ZNF141: variants seen among roughly 807,000 people sequenced by gnomAD.
ZNF141 encodes zinc finger protein 141.
In ZNF141, 7 loss-of-function variants were observed where a neutral mutation model predicts 11.3. The ratio of observed to expected loss-of-function variants is 0.62; its 90% CI spans 0.35 to 1.16. ZNF141 has a LOEUF of 1.16. Among genes scored for constraint, ZNF141 ranks in the 50% most tolerant of loss-of-function variants. The probability of loss-of-function intolerance (pLI) is 0.02; values close to 1 mark genes in which losing one functional copy is unlikely to be tolerated. For synonymous variants in ZNF141, 183 were observed against 190.7 expected, an observed-to-expected ratio of 0.96 and a Z score of 0.33; for missense variants, 535 against 554.0, an observed-to-expected ratio of 0.97 and a Z score of 0.34.
Position 372,853 on chromosome 4 carries a change from C to T in ZNF141, c.416C>T (p.Thr139Ile). 1 of 1,612,306 alleles carries T rather than the reference C, an allele frequency of 6.2e-7. No homozygotes were observed. The highest frequency in any genetic ancestry group is 8.5e-7 in the Non-Finnish European group (1 of 1,178,866). Residue 139 changes from threonine to isoleucine, a missense_variant, in exon 4 of 4, where the codon ACT becomes ATT. Transcript: ENST00000240499. ...AATGAATTTAATGAATGCTTGTCAA[C>T]TACCCAGAGCAAAATACTTCAGTGT... ...GYNEFNECLS[T>I]TQSKILQCKA...
rs34721227 is a variant in ZNF141, at chr4:381,400, CTTTTTTTTTTT to C, written c.*7554_*7564del. Among the ~76,000 whole-genome samples the C allele has an allele frequency of 4.7e-4, 36 of 76,946 alleles. No individual in the cohort carries two copies. The highest frequency in any genetic ancestry group is 7.1e-4 in the Non-Finnish European group (31 of 43,670). The allele number at this position is 76,946 out of a possible 152,430, so 50.5% of individuals were successfully genotyped here. A position where few individuals can be genotyped will look rare whatever the true frequency, so the allele number is the denominator to read the frequency against. On this transcript the variant is annotated 3_prime_UTR_variant, in exon 4 of 4. Transcript: ENST00000240499. ...CTATTTAATACAGACTTCAAATGTG[CTTTTTTTTTTT>C]TTTTTTTTTTTTTTTGAGACGTTGT...
At position 379,575 on chromosome 4, in the gene ZNF141, A is replaced by G. The variant is rs782204629; in HGVS notation, c.*5713A>G. On this transcript the variant is annotated 3_prime_UTR_variant, in exon 4 of 4. Coordinates refer to ENST00000240499, the MANE Select transcript of ZNF141 (RefSeq NM_003441.4). ...TTGTTAGTAGAGATGCGGTTTGACT[A>G]TGTTGGCCAGGCTGGTCTCAAACTC... Among the ~76,000 whole-genome samples the G allele has an allele frequency of 8.6e-5, 13 of 150,552 alleles. No individual in the cohort carries two copies. Among genetic ancestry groups the G allele is most frequent in the Admixed American group, 2.0e-4 (3 of 15,156 alleles).
In ZNF141 at chr4:379,461, G is replaced by A. The variant is rs938998408; in HGVS notation, c.*5599G>A. The stretch of plus-strand genomic sequence containing the variant: ...GCGATCTCAGCTCACTGCAACCTCC[G>A]CCTCTCAGGTTCAGGCGATTCTCCT... On this transcript the variant is annotated 3_prime_UTR_variant, in exon 4 of 4. Coordinates refer to ENST00000240499, the MANE Select transcript of ZNF141 (RefSeq NM_003441.4). Among the ~76,000 whole-genome samples the A allele has an allele frequency of 5.9e-5, 9 of 152,146 alleles. No homozygotes were observed. The highest frequency in any genetic ancestry group is 2.2e-4 in the African/African-American group (9 of 41,516).
chr4:365,829 G>A (rs1367168355), intron 3 of ZNF141, among the ~76,000 whole-genome samples: 1 of 152,088 alleles, frequency 6.6e-6, no homozygotes, highest in Non-Finnish European at 1.5e-5. Context: ...AGAGCTAGGG[G>A]CCTAGTTTCA....
chr4:367,125 A>G (rs1322022999), intron 3 of ZNF141, among the ~76,000 whole-genome samples: 1 of 152,202 alleles, frequency 6.6e-6, no homozygotes, highest in African/African-American at 2.4e-5. Flanking sequence ...AAGAGCAGAA[A>G]TCTTCTTTTT....
At chr4:351,005 TC>T (rs1205240780) in intron 3 of ZNF141, among the ~76,000 whole-genome samples, 4 of 151,734 alleles carry the variant, frequency 2.6e-5, no homozygotes, top group African/African-American at 9.7e-5. Context: ...CACCTCAGCC[TC>T]CCAAAGTGCT....
chr4:352,032 T>C (rs1042165396), intron 3 of ZNF141, among the ~76,000 whole-genome samples: 3 of 152,150 alleles, frequency 2.0e-5, no homozygotes, highest in Non-Finnish European at 4.4e-5. Flanking sequence ...AGACCTGAAG[T>C]CATCTCCAAA....
intron 3 of ZNF141, among the ~76,000 whole-genome samples, chr4:356,361 C>T (rs1416337485): frequency 6.6e-6 from 1 of 151,828 alleles, no homozygotes; most frequent in Non-Finnish European, 1.5e-5. Context: ...TGTTCTGTCA[C>T]CCAGGCTGGA....
chr4:346,160 TAATTTTACCAGA>T (rs1721310535), intron 3 of ZNF141, among the ~76,000 whole-genome samples: 2 of 152,216 alleles, frequency 1.3e-5, no homozygotes, highest in African/African-American at 4.8e-5. Context: ...TTAAGAAAAC[TAATTTTACCAGA>T]GTTTAATTGA....
Position 375,726 on chromosome 4 carries a change from T to C in ZNF141, c.*1864T>C, listed in dbSNP as rs1191697264. Among the ~76,000 whole-genome samples, 1 of 152,130 alleles carries C rather than the reference T, an allele frequency of 6.6e-6. No homozygotes were observed. Among genetic ancestry groups the C allele is most frequent in the Non-Finnish European group, 1.5e-5 (1 of 67,942 alleles). On this transcript the variant is annotated 3_prime_UTR_variant, in exon 4 of 4. Transcript: ENST00000240499. ...TTTTTGAAAAGCATATAATAGTTAA[T>C]TCAACTCAAATTATTTCATACTGTT...
Position 376,167 on chromosome 4 carries a change from C to G in ZNF141, c.*2305C>G, listed in dbSNP as rs1216060191. On this transcript the variant is annotated 3_prime_UTR_variant, in exon 4 of 4. Transcript: ENST00000240499. ...TTATGCCACCAACTTAAACCTATCC[C>G]ACCTTACTCAATGGTGTAGGTAAAA... Among the ~76,000 whole-genome samples the G allele has an allele frequency of 1.3e-5, 2 of 151,998 alleles. No homozygotes were observed. Among genetic ancestry groups the G allele is most frequent in the African/African-American group, 4.8e-5 (2 of 41,410 alleles).
chr4:366,389 A>G (rs1270426316), intron 3 of ZNF141, among the ~76,000 whole-genome samples: 1 of 152,192 alleles, frequency 6.6e-6, no homozygotes, highest in East Asian at 1.9e-4. Flanking sequence ...GTGCACCACA[A>G]CCTCTGCCTC....
intron 3 of ZNF141, among the ~76,000 whole-genome samples, chr4:355,186 T>A (rs1284380810): frequency 7.2e-5 from 11 of 151,896 alleles, no homozygotes; most frequent in South Asian, 4.2e-4. Flanking sequence ...TATTTTATTT[T>A]ATTTATTTAT....
chr4:373,530 C>T lies in ZNF141; in HGVS notation c.1093C>T (p.Arg365Trp), dbSNP rs782077517. The T allele has an allele frequency of 9.9e-6, 16 of 1,609,218 alleles. No individual in the cohort carries two copies. The highest frequency in any genetic ancestry group is 2.2e-5 in the South Asian group (2 of 90,814). Residue 365 changes from arginine (R) to tryptophan (W), a missense_variant, in exon 4 of 4, where the codon CGG becomes TGG. Arg to Trp is a moderately radical substitution (Grantham distance 101). Transcript: ENST00000240499. The stretch of plus-strand genomic sequence containing the variant: ...ACATAAGAAAGTTCATACTGGAGAG[C>T]GGCCCTACAAATGTGATGAATGTGG... The part of the protein sequence containing the change: ...NEHKKVHTGE[R>W]PYKCDECGKA...
At chr4:357,795 C>T (rs1003234503) in intron 3 of ZNF141, among the ~76,000 whole-genome samples, 3 of 151,238 alleles carry the variant, frequency 2.0e-5, no homozygotes, top group Admixed American at 6.6e-5. Flanking sequence ...CAGCTTGCGC[C>T]TCCCGGATTC....
chr4:361,307 A>G (rs1189608541), intron 3 of ZNF141, among the ~76,000 whole-genome samples: 1 of 121,984 alleles, frequency 8.2e-6, no homozygotes, highest in Non-Finnish European at 1.7e-5. Flanking sequence ...CTATAATTAT[A>G]TAATGTCTCT....
rs61733103 is a variant in ZNF141, at chr4:344,424, C to T, written c.220C>T (p.Pro74Ser). The T allele has an allele frequency of 7.5e-4, 1,204 of 1,604,776 alleles. 12 individuals carry two copies. The African/African-American group carries it at 0.014, about 19-fold the overall frequency. The change falls in exon 3 of 4, where the codon CCC becomes TCC. Residue 74 changes from proline (P) to serine (S), a missense_variant. Transcript: ENST00000240499. ...NVKIHKIVAR[P>S]PAMCSHFTQD... ...GAAGATACATAAGATCGTAGCCAGA[C>T]CCCCAGGTAGGTGAGAGTGAATGGA...
At chr4:359,191 A>G (rs1204985341) in intron 3 of ZNF141, among the ~76,000 whole-genome samples, 2 of 152,182 alleles carry the variant, frequency 1.3e-5, no homozygotes, top group African/African-American at 2.4e-5. Flanking sequence ...TCTACAGTGA[A>G]GTTAATGCTT....
chr4:347,039 C>CTTT (rs201885088), intron 3 of ZNF141, among the ~76,000 whole-genome samples: 4 of 134,836 alleles, frequency 3.0e-5, no homozygotes, highest in African/African-American at 5.6e-5. Flanking sequence ...TAGTTTTATT[C>CTTT]TTTTTTTTTT....
Sources: allele counts gnomAD v4.1 joint callset (sites outside exome capture counted in the v4.1 genomes callset), GRCh38; gene constraint gnomAD v4.1.1; transcripts MANE v1.5; gene names NCBI Gene and HGNC (gene_info 2026-07-23, HGNC 2026-07-21).